Variants in GRIK2 observed in about 807,000 individuals in gnomAD.
GRIK2 encodes the protein glutamate ionotropic receptor kainate type subunit 2, also known as glutamate receptor ionotropic, kainate 2.
GRIK2 carries 32 observed loss-of-function variants against 100.3 expected under a neutral mutation model. The observed-to-expected ratio is 0.32, with a 90% CI of 0.24 to 0.43. GRIK2 has a LOEUF of 0.43. Ranked by LOEUF, GRIK2 falls within the 20% of genes least tolerant of loss-of-function variation. The pLI, the probability that GRIK2 is intolerant of heterozygous loss-of-function variation, is 1.00. For missense variants in GRIK2, 843 were observed against 1,114.9 expected (o/e 0.76, Z 3.47); for synonymous variants, 417 against 389.4 (o/e 1.07, Z -0.83).
chr6:101,841,015 C>T (rs903672882), intron 10 of GRIK2, among the ~76,000 whole-genome samples: 3 of 142,680 alleles, frequency 2.1e-5, no homozygotes, highest in African/African-American at 8.5e-5. Context: ...ATGTATGTCA[C>T]AGCTTTATGT....
rs1772380267 is a variant in GRIK2, at chr6:101,695,012, T to C, written c.951+8659T>C. Among the ~76,000 whole-genome samples the C allele has an allele frequency of 4.0e-5, 6 of 150,402 alleles. 1 individual carries two copies. The South Asian group carries it at 1.0e-3, about 26-fold the overall frequency. On this transcript the variant is annotated intron_variant, in intron 7 of 16. Transcript: ENST00000369134. The stretch of plus-strand genomic sequence containing the variant: ...AATAAGAGGGAAATATATAAAAATA[T>C]ATAATTCTTATTTATATCTAAATTC...
chr6:101,430,640 T>C, intron 2 of GRIK2: 1 of 167,116 alleles, frequency 6.0e-6, no homozygotes, highest in East Asian at 1.9e-4. Flanking sequence ...CACACCACAC[T>C]TCATGACAGA....
Position 101,855,560 on chromosome 6 carries a change from G to A in GRIK2, c.1318-3727G>A, listed in dbSNP as rs1437865372. 2.0e-5 allele frequency among the ~76,000 whole-genome samples: 3 copies of A among 152,200 alleles called. No homozygotes were observed. The South Asian group carries it at 6.2e-4, about 32-fold the overall frequency. Reference sequence around the variant, plus strand: ...CAATCAATCAATCAATCAATAAAAAGGCAGTGCAAAGAGCCAAGACGTGGA... The same window carrying A: ...CAATCAATCAATCAATCAATAAAAAAGCAGTGCAAAGAGCCAAGACGTGGA... On this transcript the variant is annotated intron_variant, in intron 10 of 16. Coordinates refer to ENST00000369134, the MANE Select transcript of GRIK2 (RefSeq NM_021956.5).
intron 2 of GRIK2, among the ~76,000 whole-genome samples, chr6:101,512,184 A>G (rs1774356938): frequency 6.6e-6 from 1 of 151,918 alleles, no homozygotes; most frequent in Admixed American, 6.6e-5. Context: ...TGTAAGGTAT[A>G]AAATTAAAAG....
intron 14 of GRIK2, among the ~76,000 whole-genome samples, chr6:101,930,798 CTTGCT>C: frequency 6.6e-6 from 1 of 151,498 alleles, no homozygotes; most frequent in Admixed American, 6.6e-5. Context: ...TTCACTTTTC[CTTGCT>C]ACTGACTTTT....
At chr6:101,708,299 G>A (rs1773474974) in intron 7 of GRIK2, among the ~76,000 whole-genome samples, 1 of 151,564 alleles carries the variant, frequency 6.6e-6, no homozygotes, top group Non-Finnish European at 1.5e-5. Flanking sequence ...ATTGTTTAAA[G>A]AAATGGAAAT....
rs1554286155 is a variant in GRIK2 at position 101,918,185 on chromosome 6, G to GTGA, written c.1749-6415_1749-6414insGAT. On this transcript the variant is annotated intron_variant, in intron 12 of 16. Coordinates refer to ENST00000369134, the MANE Select transcript of GRIK2 (RefSeq NM_021956.5). Reference sequence around the variant, plus strand: ...ACACGTGAAAGTTGAGGATTGTTATGTAATAATGATGATGATGAAAAAATA... The same window carrying GTGA: ...ACACGTGAAAGTTGAGGATTGTTATGTGATAATAATGATGATGATGAAAAAATA... Among the ~76,000 whole-genome samples the GTGA allele has an allele frequency of 6.9e-4, 105 of 151,088 alleles. 1 individual carries two copies. Among genetic ancestry groups the GTGA allele is most frequent in the East Asian group, 2.5e-3 (13 of 5,114 alleles).
chr6:101,620,369 T>C (rs565438176), intron 2 of GRIK2: 2 of 156,622 alleles, frequency 1.3e-5, no homozygotes, highest in African/African-American at 4.8e-5. Context: ...AGTTGATTGT[T>C]TTAGTAAGTA....
intron 2 of GRIK2, among the ~76,000 whole-genome samples, chr6:101,466,547 GA>G (rs912083921): frequency 4.0e-5 from 6 of 149,908 alleles, no homozygotes; most frequent in African/African-American, 9.8e-5. Context: ...TAGCTACTTC[GA>G]AATATTAACA....
chr6:101,621,838 A>G, intron 2 of GRIK2, 111 bp from the exon 3 acceptor site: 1 of 723,480 alleles, frequency 1.4e-6, no homozygotes, highest in African/African-American at 1.8e-5. Context: ...CACACACGCA[A>G]ATGCACTTGC....
chr6:101,692,391 A>T (rs1772173949), intron 7 of GRIK2, among the ~76,000 whole-genome samples: 1 of 152,154 alleles, frequency 6.6e-6, no homozygotes. Context: ...AATCAATTTT[A>T]ATACTGTGTA....
At chr6:101,929,147 G>A (rs2128471822) in intron 14 of GRIK2, among the ~76,000 whole-genome samples, 1 of 152,002 alleles carries the variant, frequency 6.6e-6, no homozygotes, top group South Asian at 2.1e-4. Flanking sequence ...GAAAGGGGCT[G>A]TCCCATTGAA....
Position 102,027,186 on chromosome 6 carries a change from T to G in GRIK2, c.2086-8155T>G, listed in dbSNP as rs146137297. ...ATTTAAGTTAGCATTATAAACAAAATTGGTCATGTAAAATTTATTGAAAAA... is the reference window on the plus strand; with the variant it reads ...ATTTAAGTTAGCATTATAAACAAAAGTGGTCATGTAAAATTTATTGAAAAA... On this transcript the variant is annotated intron_variant, in intron 14 of 16. Coordinates refer to ENST00000369134, the MANE Select transcript of GRIK2 (RefSeq NM_021956.5). Among the ~76,000 whole-genome samples the G allele has an allele frequency of 9.6e-4, 146 of 151,360 alleles. No individual in the cohort carries two copies. The East Asian group carries it at 0.015, about 15-fold the overall frequency.
intron 14 of GRIK2, among the ~76,000 whole-genome samples, chr6:102,003,319 C>T (rs777048227): frequency 6.6e-6 from 1 of 151,500 alleles, no homozygotes; most frequent in African/African-American, 2.4e-5. Context: ...AAATGGAATG[C>T]GAGTGCATAT....
At chr6:101,816,403 C>T (rs1322931940) in intron 9 of GRIK2, among the ~76,000 whole-genome samples, 2 of 152,078 alleles carry the variant, frequency 1.3e-5, no homozygotes, top group Non-Finnish European at 2.9e-5. Context: ...ACACTTTGGC[C>T]GGGCACAGTG....
intron 4 of GRIK2, among the ~76,000 whole-genome samples, chr6:101,647,243 T>C (rs1781573660): frequency 6.6e-6 from 1 of 151,834 alleles, no homozygotes; most frequent in Non-Finnish European, 1.5e-5. Context: ...GAAACAAGCT[T>C]CTATGTGTAT....
chr6:102,011,355 G>A (rs1168031262), intron 14 of GRIK2, among the ~76,000 whole-genome samples: 1 of 152,020 alleles, frequency 6.6e-6, no homozygotes, highest in Non-Finnish European at 1.5e-5. Flanking sequence ...TTGGTAAGGT[G>A]TCTGTTTTGA....
At chr6:101,961,807 G>C (rs181606357) in intron 14 of GRIK2, among the ~76,000 whole-genome samples, 13 of 152,104 alleles carry the variant, frequency 8.5e-5, no homozygotes, top group Non-Finnish European at 4.4e-5. Context: ...GTCCTTTCTG[G>C]TTGCTGCTGT....
intron 11 of GRIK2, among the ~76,000 whole-genome samples, chr6:101,862,569 C>A (rs893864979): frequency 6.6e-6 from 1 of 151,114 alleles, no homozygotes; most frequent in Admixed American, 6.6e-5. Flanking sequence ...GACATGCTAA[C>A]ATCCCTAGCT....
Sources: gnomAD v4.1 joint callset for allele counts (sites outside exome capture counted in the v4.1 genomes callset) on GRCh38, gnomAD v4.1.1 for gene constraint, MANE v1.5 for transcripts, NCBI Gene and HGNC (gene_info 2026-07-23, HGNC 2026-07-21) for gene names.